The following KIF6 variants were observed in gnomAD, a reference collection of about 807,000 sequenced individuals.
The protein encoded by KIF6 is kinesin family member 6.
Under a neutral mutation model 112.7 loss-of-function variants are expected in KIF6, and 106 were observed. The ratio of observed to expected loss-of-function variants is 0.94; its 90% CI spans 0.80 to 1.11. The LOEUF is 1.11. Among genes scored for constraint, KIF6 ranks in the 50% least tolerant of loss-of-function variants. The pLI is 0.00. For missense variants in KIF6, 929 were observed against 964.0 expected (o/e 0.96, Z 0.48); for synonymous variants, 339 against 339.9 (o/e 1.00, Z 0.03).
chr6:39,633,355 A>G (rs1260537149), intron 5 of KIF6, among the ~76,000 whole-genome samples: 1 of 152,130 alleles, frequency 6.6e-6, no homozygotes, highest in Admixed American at 6.6e-5. Context: ...ATAGAAAAAA[A>G]AGTACTTGAT....
intron 13 of KIF6, among the ~76,000 whole-genome samples, chr6:39,468,833 T>C (rs765346811): frequency 6.6e-6 from 1 of 152,080 alleles, no homozygotes; most frequent in African/African-American, 2.4e-5. Context: ...TAATTGCATA[T>C]TTCTTTTTTA....
intron 13 of KIF6, among the ~76,000 whole-genome samples, chr6:39,465,090 C>T (rs1022635946): frequency 3.3e-5 from 5 of 152,172 alleles, no homozygotes; most frequent in Non-Finnish European, 5.9e-5. Flanking sequence ...GATGTCCGTG[C>T]GTTTCTCATT....
intron 7 of KIF6, among the ~76,000 whole-genome samples, chr6:39,590,097 C>G (rs1230371192): frequency 6.6e-6 from 1 of 151,308 alleles, no homozygotes; most frequent in Non-Finnish European, 1.5e-5. Context: ...ATGGCAGACC[C>G]AAGTCAGAGT....
At chr6:39,552,313 C>T (rs1314598160) in intron 10 of KIF6, among the ~76,000 whole-genome samples, 2 of 152,088 alleles carry the variant, frequency 1.3e-5, no homozygotes, top group African/African-American at 2.4e-5. Context: ...CTCTTTATAC[C>T]CGCCTTGTCC....
chr6:39,649,683 A>G (rs1486969027), intron 3 of KIF6, among the ~76,000 whole-genome samples: 1 of 151,972 alleles, frequency 6.6e-6, no homozygotes, highest in African/African-American at 2.4e-5. Flanking sequence ...CAACTGCTAT[A>G]AAGTGACTCA....
At chr6:39,572,112 G>A (rs1439393082) in intron 10 of KIF6, among the ~76,000 whole-genome samples, 2 of 152,112 alleles carry the variant, frequency 1.3e-5, no homozygotes, top group African/African-American at 4.8e-5. Context: ...TGAAAAGAGT[G>A]CATAGATCAC....
At chr6:39,410,493 C>T (rs1388716224) in intron 15 of KIF6, among the ~76,000 whole-genome samples, 4 of 152,108 alleles carry the variant, frequency 2.6e-5, no homozygotes, top group African/African-American at 9.7e-5. Context: ...ATATAAAAAA[C>T]ACTATAAGTA....
intron 13 of KIF6, among the ~76,000 whole-genome samples, chr6:39,479,988 A>G (rs941651509): frequency 1.3e-5 from 2 of 152,168 alleles, no homozygotes; most frequent in African/African-American, 4.8e-5. Flanking sequence ...CAATCATATC[A>G]TCAACAAACA....
At chr6:39,642,652 C>A (rs1784970282) in intron 3 of KIF6, among the ~76,000 whole-genome samples, 1 of 152,130 alleles carries the variant, frequency 6.6e-6, no homozygotes, top group Non-Finnish European at 1.5e-5. Flanking sequence ...TTTAACATCA[C>A]AGCTGGCAAA....
intron 13 of KIF6, among the ~76,000 whole-genome samples, chr6:39,500,799 TAGAGAGGTGGAAGCTCTCTGAGAAGC>T (rs1301492809): frequency 1.3e-5 from 2 of 151,958 alleles, no homozygotes; most frequent in Non-Finnish European, 2.9e-5. Flanking sequence ...GAGCCAGAAG[TAGAGAGGTGGAAGCTCTCTGAGAAGC>T]AGAGAGGTGG....
chr6:39,613,308 T>C lies in KIF6; in HGVS notation c.520A>G (p.Ile174Val), dbSNP rs549891866. ...SSLEDLPKVT[I>V]LEDPDQNIHL... ...ATGTTCTGATCAGGATCCTCCAGTA[T>C]TGTCACTTTCCTAAGCAAATGGGAA... The change falls in exon 6 of 23, where the codon ATA (isoleucine) becomes GTA (valine). Residue 174 changes from isoleucine (I) to valine (V), a missense_variant. Transcript: ENST00000287152. The C allele has an allele frequency of 2.2e-4, 355 of 1,586,370 alleles. 5 individuals are homozygous for C. In the South Asian group the frequency reaches 3.7e-3, roughly 16 times the overall value.
chr6:39,444,162 T>C (rs1023847005), intron 13 of KIF6, among the ~76,000 whole-genome samples: 1 of 152,176 alleles, frequency 6.6e-6, no homozygotes, highest in Non-Finnish European at 1.5e-5. Context: ...AGGTTAAAAG[T>C]GACTCCAAGT....
chr6:39,398,458 T>C (rs764086620), intron 15 of KIF6, among the ~76,000 whole-genome samples: 1 of 152,184 alleles, frequency 6.6e-6, no homozygotes, highest in Non-Finnish European at 1.5e-5. Flanking sequence ...CTTGGGAAGG[T>C]AAAATTTCCA....
At chr6:39,382,816 C>T (rs2150309285) in intron 16 of KIF6, among the ~76,000 whole-genome samples, 1 of 152,074 alleles carries the variant, frequency 6.6e-6, no homozygotes, top group South Asian at 2.1e-4. Flanking sequence ...TTCTGTGCAA[C>T]CTTGCCAACA....
intron 22 of KIF6, among the ~76,000 whole-genome samples, chr6:39,338,255 G>T (rs1016176033): frequency 6.6e-6 from 1 of 152,198 alleles, no homozygotes; most frequent in Non-Finnish European, 1.5e-5. Flanking sequence ...CTCCAGGTTC[G>T]GCCACAGGAA....
chr6:39,602,750 G>A (rs773529776), intron 6 of KIF6, among the ~76,000 whole-genome samples: 27 of 152,250 alleles, frequency 1.8e-4, no homozygotes, highest in Non-Finnish European at 4.0e-4. Context: ...TTTGCTGTGC[G>A]TGATTCCAGA....
chr6:39,725,113 G>A, intron 1 of KIF6, 132 bp downstream of exon 1: 1 of 646,894 alleles, frequency 1.5e-6, no homozygotes, highest in Non-Finnish European at 2.5e-6. Context: ...CGGTCAGTGT[G>A]TGCGGGATTC....
intron 15 of KIF6, among the ~76,000 whole-genome samples, chr6:39,398,705 GA>G (rs1768457664): frequency 6.6e-6 from 1 of 152,206 alleles, no homozygotes; most frequent in Non-Finnish European, 1.5e-5. Flanking sequence ...CAGAAACACA[GA>G]TCGGGTGCTT....
chr6:39,616,771 T>C (rs893591556), intron 5 of KIF6, among the ~76,000 whole-genome samples: 6 of 152,322 alleles, frequency 3.9e-5, no homozygotes, highest in African/African-American at 1.4e-4. Flanking sequence ...AGCCATGCCC[T>C]GGGCACTACG....
Sources: allele counts gnomAD v4.1 joint callset (sites outside exome capture counted in the v4.1 genomes callset), GRCh38; gene constraint gnomAD v4.1.1; transcripts MANE v1.5; gene names NCBI Gene and HGNC (gene_info 2026-07-23, HGNC 2026-07-21).